The following PTH2R variants were observed in gnomAD, a reference collection of about 807,000 sequenced individuals.
PTH2R encodes the protein parathyroid hormone 2 receptor.
PTH2R carries 59 observed loss-of-function variants against 60.3 expected under a neutral mutation model. That is an observed-to-expected ratio of 0.98 (90% confidence interval 0.79 to 1.22). PTH2R has a LOEUF of 1.22. Among genes scored for constraint, PTH2R ranks in the 50% most tolerant of loss-of-function variants. The pLI, the probability that PTH2R is intolerant of heterozygous loss-of-function variation, is 0.00. For synonymous variants in PTH2R, 256 were observed against 243.8 expected (o/e 1.05, Z -0.47); for missense variants, 749 against 682.6 (o/e 1.10, Z -1.08).
chr2:208,438,078 G>C (rs1401872618), intron 4 of PTH2R, among the ~76,000 whole-genome samples, 197 bp downstream of exon 4: 1 of 152,090 alleles, frequency 6.6e-6, no homozygotes, highest in Non-Finnish European at 1.5e-5. Flanking sequence ...GAGCTACCTG[G>C]CTGAGATACA....
intron 7 of PTH2R, among the ~76,000 whole-genome samples, chr2:208,449,501 A>G (rs1387088405): frequency 1.3e-5 from 2 of 150,408 alleles, no homozygotes; most frequent in African/African-American, 4.9e-5. Context: ...GAACCTAAGA[A>G]ATAACCAGAA....
intron 1 of PTH2R, among the ~76,000 whole-genome samples, chr2:208,408,722 A>AAGAGAGAGAGAGAGAGAGAGAAAGAGAG (rs760355788): frequency 8.2e-6 from 1 of 121,330 alleles, no homozygotes; most frequent in African/African-American, 3.8e-5. Flanking sequence ...GAAGAAAGGA[A>AAGAGAGAGAGAGAGAGAGAGAAAGAGAG]AGAGAGAGAG....
intron 1 of PTH2R, among the ~76,000 whole-genome samples, chr2:208,370,236 G>T (rs967252886): frequency 6.6e-6 from 1 of 151,888 alleles, no homozygotes; most frequent in African/African-American, 2.4e-5. Flanking sequence ...GAGGTCAGGG[G>T]ATCGAGACCA....
At chr2:208,367,474 G>A (rs1339165284) in intron 1 of PTH2R, among the ~76,000 whole-genome samples, 10 of 133,254 alleles carry the variant, frequency 7.5e-5, no homozygotes, top group Non-Finnish European at 1.2e-4. Flanking sequence ...AGGCTGAAGT[G>A]CAGTGGCACA....
At chr2:208,403,423 T>C (rs1372960409), upstream of PTH2R, among the ~76,000 whole-genome samples, 1 of 152,194 alleles carries the variant, frequency 6.6e-6, no homozygotes, top group Non-Finnish European at 1.5e-5. Flanking sequence ...CATTTAATTT[T>C]AGAAAGACAA....
Position 208,443,390 on chromosome 2 carries a change from T to G in PTH2R, c.552T>G (p.Phe184Leu), listed in dbSNP as rs752473579. The G allele has an allele frequency of 6.2e-7, 1 of 1,610,164 alleles. No individual in the cohort carries two copies. The highest frequency in any genetic ancestry group is 1.3e-5 in the African/African-American group (1 of 74,668). The change falls in exon 6 of 13, where the codon TTT (phenylalanine) becomes TTG (leucine). Residue 184 changes from phenylalanine (F) to leucine (L), a missense_variant. By Grantham distance (22) the Phe-to-Leu change is conservative. Coordinates refer to ENST00000272847, the MANE Select transcript of PTH2R (RefSeq NM_005048.4). ...GGAACTATATCCACATGCACTTATT[T>G]GTGTCTTTCATGCTGAGAGCTACAA... The part of the protein sequence containing the change: ...CTRNYIHMHL[F>L]VSFMLRATSI...
intron 6 of PTH2R, 73 bp from the exon 7 acceptor site, chr2:208,444,661 T>C (rs990335842): frequency 4.9e-6 from 7 of 1,416,260 alleles, no homozygotes; most frequent in African/African-American, 1.5e-5. Flanking sequence ...GACTTGTTTT[T>C]TAGTGGTCTA....
At chr2:208,484,317 A>G (rs1362042613) in intron 10 of PTH2R, among the ~76,000 whole-genome samples, 1 of 152,234 alleles carries the variant, frequency 6.6e-6, no homozygotes, top group Admixed American at 6.5e-5. Flanking sequence ...GAAATGAGTG[A>G]ATCAATCAGT....
At chr2:208,359,813 G>A (rs1274407549) in exon 1 of PTH2R, 1 of 156,392 alleles carries the variant, frequency 6.4e-6, no homozygotes, top group Non-Finnish European at 1.4e-5. Context: ...CCCCCTGCCT[G>A]GGTTCCTGCA....
At chr2:208,456,694 C>T (rs1198071109) in intron 8 of PTH2R, among the ~76,000 whole-genome samples, 3 of 152,096 alleles carry the variant, frequency 2.0e-5, no homozygotes, top group South Asian at 2.1e-4. Context: ...CTAGTCAGAC[C>T]TTTGTATCTC....
intron 1 of PTH2R, among the ~76,000 whole-genome samples, chr2:208,423,702 TGTA>T (rs1488359405): frequency 2.6e-5 from 4 of 152,208 alleles, no homozygotes; most frequent in African/African-American, 9.7e-5. Context: ...AGTTTCCAGT[TGTA>T]GTAGTGGATT....
At chr2:208,427,418 TG>T (rs1223373006) in intron 1 of PTH2R, among the ~76,000 whole-genome samples, 7 of 152,158 alleles carry the variant, frequency 4.6e-5, no homozygotes, top group Non-Finnish European at 8.8e-5. Flanking sequence ...GAATCCATGT[TG>T]TATTATATTG....
At chr2:208,421,672 C>T (rs1318428796) in intron 1 of PTH2R, among the ~76,000 whole-genome samples, 1 of 152,122 alleles carries the variant, frequency 6.6e-6, no homozygotes, top group Non-Finnish European at 1.5e-5. Flanking sequence ...TTCAGCTACT[C>T]TCAAGGGAAT....
chr2:208,380,005 T>G (rs1700881872), intron 1 of PTH2R, among the ~76,000 whole-genome samples: 1 of 152,138 alleles, frequency 6.6e-6, no homozygotes, highest in Non-Finnish European at 1.5e-5. Flanking sequence ...TCCGATTTCA[T>G]TCTCACTAGC....
At position 208,494,012 on chromosome 2, in the gene PTH2R, T is replaced by C. The variant is rs112281947; in HGVS notation, c.*353T>C. 5.8e-6 allele frequency: 1 copy of C among 172,838 alleles called. No homozygotes were observed. The highest frequency in any genetic ancestry group is 2.4e-5 in the African/African-American group (1 of 42,438). The allele number at this position is 172,838 out of a possible 1,614,324, so 10.7% of individuals were successfully genotyped here. A position where few individuals can be genotyped will look rare whatever the true frequency, so the allele number is the denominator to read the frequency against. ...ATCACCCTAAATATAATGAAGATCT[T>C]TTAGTGTGTATCATTTTCCTTTTAG... On this transcript the variant is annotated 3_prime_UTR_variant, in exon 13 of 13. Coordinates refer to ENST00000272847, the MANE Select transcript of PTH2R (RefSeq NM_005048.4).
intron 1 of PTH2R, among the ~76,000 whole-genome samples, chr2:208,413,046 C>T (rs941312233): frequency 6.6e-6 from 1 of 151,982 alleles, no homozygotes; most frequent in Non-Finnish European, 1.5e-5. Flanking sequence ...TCAGATAATA[C>T]TGTGTATCTT....
intron 1 of PTH2R, among the ~76,000 whole-genome samples, chr2:208,390,365 T>C (rs1023441108): frequency 7.2e-5 from 11 of 152,202 alleles, no homozygotes; most frequent in African/African-American, 2.2e-4. Context: ...GTCCCATTTA[T>C]GCCTGATATG....
chr2:208,458,647 T>G (rs1478968582), intron 8 of PTH2R, among the ~76,000 whole-genome samples: 4 of 152,166 alleles, frequency 2.6e-5, no homozygotes, highest in Non-Finnish European at 5.9e-5. Context: ...TCCTTCTTTG[T>G]CTTCACAAAT....
At chr2:208,454,670 A>G (rs1188340542) in intron 8 of PTH2R, among the ~76,000 whole-genome samples, 1 of 152,238 alleles carries the variant, frequency 6.6e-6, no homozygotes, top group Non-Finnish European at 1.5e-5. Flanking sequence ...CACTTATGAT[A>G]AAGAAAAGGT....
Sources: gnomAD v4.1 joint callset for allele counts (sites outside exome capture counted in the v4.1 genomes callset) on GRCh38, gnomAD v4.1.1 for gene constraint, MANE v1.5 for transcripts, NCBI Gene and HGNC (gene_info 2026-07-23, HGNC 2026-07-21) for gene names.